SPON1: variants seen among roughly 807,000 people sequenced by gnomAD.
The protein encoded by SPON1 is spondin-1.
Under a neutral mutation model 111.7 loss-of-function variants are expected in SPON1, and 52 were observed. That is an observed-to-expected ratio of 0.47 (90% confidence interval 0.37 to 0.59). The LOEUF (loss-of-function observed/expected upper bound fraction) is 0.59, where lower values mean the gene tolerates loss of function less well. Ranked by LOEUF, SPON1 falls within the 20% of genes least tolerant of loss-of-function variation. The pLI is 0.00. For synonymous variants in SPON1, 410 were observed against 395.8 expected (o/e 1.04, Z -0.43); for missense variants, 957 against 1,068.5 (o/e 0.90, Z 1.46).
At chr11:14,033,213 T>C (rs2133809561) in intron 2 of SPON1, among the ~76,000 whole-genome samples, 1 of 152,340 alleles carries the variant, frequency 6.6e-6, no homozygotes, top group South Asian at 2.1e-4. Flanking sequence ...TTGATTCTCA[T>C]GTGGGAACTG....
chr11:14,069,480 C>T (rs1848858594), intron 3 of SPON1, among the ~76,000 whole-genome samples: 1 of 152,130 alleles, frequency 6.6e-6, no homozygotes, highest in Non-Finnish European at 1.5e-5. Context: ...ATCTCCTCCT[C>T]TTGAAGCCTT....
intron 2 of SPON1, among the ~76,000 whole-genome samples, chr11:14,008,319 A>C (rs968075177): frequency 8.6e-4 from 131 of 152,190 alleles, no homozygotes; most frequent in African/African-American, 3.0e-3. Context: ...CCAAGGAATG[A>C]TTGTATTTCG....
At chr11:13,986,733 AC>A (rs1554910429) in intron 2 of SPON1, among the ~76,000 whole-genome samples, 2 of 151,702 alleles carry the variant, frequency 1.3e-5, no homozygotes, top group Non-Finnish European at 2.9e-5. Flanking sequence ...CCCCCGACAG[AC>A]CCTGGTATGT....
intron 2 of SPON1, among the ~76,000 whole-genome samples, chr11:13,997,374 A>T (rs993968696): frequency 6.6e-6 from 1 of 152,228 alleles, no homozygotes; most frequent in South Asian, 2.1e-4. Flanking sequence ...ATTCTGCCCT[A>T]CTAGCTAAGT....
At chr11:14,140,940 C>T (rs1053175363) in intron 6 of SPON1, among the ~76,000 whole-genome samples, 1 of 151,906 alleles carries the variant, frequency 6.6e-6, no homozygotes, top group Non-Finnish European at 1.5e-5. Flanking sequence ...TTGCCATGTT[C>T]CCGAATGCTT....
At chr11:14,108,931 G>A (rs183233424) in intron 5 of SPON1, among the ~76,000 whole-genome samples, 4 of 152,224 alleles carry the variant, frequency 2.6e-5, no homozygotes, top group East Asian at 1.9e-4. Flanking sequence ...ATGTATCCTA[G>A]GGGCTGAGCA....
At chr11:14,022,448 C>T (rs573911950) in intron 2 of SPON1, among the ~76,000 whole-genome samples, 1 of 152,312 alleles carries the variant, frequency 6.6e-6, no homozygotes, top group Non-Finnish European at 1.5e-5. Context: ...AAAGGATACA[C>T]TTAGCAAAGC....
intron 6 of SPON1, among the ~76,000 whole-genome samples, chr11:14,188,741 AC>A (rs1162867310): frequency 6.6e-6 from 1 of 152,164 alleles, no homozygotes; most frequent in Non-Finnish European, 1.5e-5. Flanking sequence ...TAACCATGTG[AC>A]CTTGGGAAAG....
chr11:14,099,525 T>C (rs550534678), intron 5 of SPON1, among the ~76,000 whole-genome samples: 1 of 152,318 alleles, frequency 6.6e-6, no homozygotes, highest in Admixed American at 6.5e-5. Context: ...GAATTTAATA[T>C]GTAGTTCTCA....
intron 3 of SPON1, among the ~76,000 whole-genome samples, chr11:14,056,434 G>A (rs1554919184): frequency 4.6e-5 from 7 of 152,100 alleles, no homozygotes; most frequent in African/African-American, 4.8e-5. Flanking sequence ...TTTAAAGGTC[G>A]TTTTTCAAGC....
In SPON1 at chr11:14,266,340, T is replaced by A. The variant is rs183364529; in HGVS notation, c.*653T>A. 9 of 151,672 alleles carry A rather than the reference T, an allele frequency of 5.9e-5. No individual in the cohort carries two copies. The highest frequency in any genetic ancestry group is 3.5e-3 in the Middle Eastern group (1 of 288). 9.4% of individuals were successfully genotyped at this position (151,672 alleles called of 1,614,324 possible). A position where few individuals can be genotyped will look rare whatever the true frequency, so the allele number is the denominator to read the frequency against. ...CCCCAACAAAAATAAATAAATAAAT[T>A]ATGGCTGCTTTATTTAAATATAAGG... On this transcript the variant is annotated 3_prime_UTR_variant, in exon 16 of 16. Coordinates refer to ENST00000576479, the MANE Select transcript of SPON1 (RefSeq NM_006108.4).
At chr11:14,104,654 ATTCT>A (rs1382539196) in intron 5 of SPON1, among the ~76,000 whole-genome samples, 1 of 152,082 alleles carries the variant, frequency 6.6e-6, no homozygotes, top group Admixed American at 6.5e-5. Flanking sequence ...ATCACAAACA[ATTCT>A]TTCTATTGTT....
At chr11:13,966,026 G>T (rs1848013312) in intron 1 of SPON1, among the ~76,000 whole-genome samples, 1 of 152,090 alleles carries the variant, frequency 6.6e-6, no homozygotes, top group South Asian at 2.1e-4. Context: ...ACAGTCTTTA[G>T]GTACTCTAGA....
chr11:14,058,529 A>G (rs1310553621), intron 3 of SPON1, among the ~76,000 whole-genome samples: 1 of 152,134 alleles, frequency 6.6e-6, no homozygotes, highest in East Asian at 1.9e-4. Context: ...ACAGTGTGGG[A>G]TTGTCCCTAG....
chr11:14,009,455 C>T (rs1848388102), intron 2 of SPON1, among the ~76,000 whole-genome samples: 1 of 152,206 alleles, frequency 6.6e-6, no homozygotes, highest in East Asian at 1.9e-4. Flanking sequence ...ATAAATACCA[C>T]TCAGCCTTCA....
intron 6 of SPON1, among the ~76,000 whole-genome samples, chr11:14,168,968 G>A (rs1285265669): frequency 1.3e-5 from 2 of 152,152 alleles, no homozygotes; most frequent in African/African-American, 4.8e-5. Flanking sequence ...ACATATGTGT[G>A]CATGTGTCTT....
rs574104420 is a variant in SPON1 at position 14,161,029 on chromosome 11, TTA to T, written c.825+25469_825+25470del. Among the ~76,000 whole-genome samples the T allele has an allele frequency of 5.8e-5, 3 of 51,484 alleles. 1 individual carries two copies. Among genetic ancestry groups the T allele is most frequent in the African/African-American group, 2.2e-4 (3 of 13,396 alleles). 33.8% of individuals were successfully genotyped at this position (51,484 alleles called of 152,430 possible). On this transcript the variant is annotated intron_variant, in intron 6 of 15. Transcript: ENST00000576479. ...TATATATTTATATATCTATATATAT[TTA>T]TATATATCTATATATTTATATATAT...
intron 6 of SPON1, among the ~76,000 whole-genome samples, chr11:14,140,062 C>T (rs557623245): frequency 2.6e-5 from 4 of 152,254 alleles, no homozygotes; most frequent in East Asian, 3.9e-4. Context: ...GGGAGAGGCA[C>T]ATACATGACT....
chr11:14,084,473 T>G (rs1554922389), intron 5 of SPON1, among the ~76,000 whole-genome samples: 1 of 152,236 alleles, frequency 6.6e-6, no homozygotes, highest in Non-Finnish European at 1.5e-5. Flanking sequence ...GCAAAGGACA[T>G]GAACTCATTC....
Sources: gnomAD v4.1 joint callset for allele counts (sites outside exome capture counted in the v4.1 genomes callset) on GRCh38, gnomAD v4.1.1 for gene constraint, MANE v1.5 for transcripts, NCBI Gene and HGNC (gene_info 2026-07-23, HGNC 2026-07-21) for gene names.